Variants in ABHD3 observed in about 807,000 individuals in gnomAD.
ABHD3 encodes phospholipase ABHD3.
ABHD3 carries 46 observed loss-of-function variants against 48.8 expected under a neutral mutation model. That is an observed-to-expected ratio of 0.94 (90% CI 0.74 to 1.20). ABHD3 has a LOEUF of 1.20. Among genes scored for constraint, ABHD3 ranks in the 50% most tolerant of loss-of-function variants. The pLI, the probability that ABHD3 is intolerant of heterozygous loss-of-function variation, is 0.00. For synonymous variants in ABHD3, 192 were observed against 183.7 expected (o/e 1.04, Z -0.36); for missense variants, 490 against 497.8 (o/e 0.98, Z 0.15).
intron 4 of ABHD3, among the ~76,000 whole-genome samples, chr18:21,666,922 A>G (rs1423418443): frequency 6.6e-6 from 1 of 152,174 alleles, no homozygotes; most frequent in African/African-American, 2.4e-5. Flanking sequence ...GAAATTTAAT[A>G]ACAAGGAGAG....
chr18:21,697,201 G>C (rs546186946), intron 3 of ABHD3, among the ~76,000 whole-genome samples: 1 of 147,552 alleles, frequency 6.8e-6, no homozygotes, highest in African/African-American at 2.5e-5. Context: ...TCAGCCTCCT[G>C]AGTAGCTGGG....
At chr18:21,659,135 G>A (rs768131851) in intron 6 of ABHD3, 35 bp downstream of exon 6, 5 of 1,590,926 alleles carry the variant, frequency 3.1e-6, no homozygotes, top group Admixed American at 3.6e-5. Context: ...CACCGGGCCC[G>A]GCCCTGGAGA....
chr18:21,683,820 A>G (rs2040063661), intron 4 of ABHD3, 100 bp downstream of exon 4: 1 of 1,220,450 alleles, frequency 8.2e-7, no homozygotes, highest in Non-Finnish European at 1.1e-6. Flanking sequence ...TATTGCTTAC[A>G]TAAACAGAGT....
intron 4 of ABHD3, among the ~76,000 whole-genome samples, chr18:21,665,543 G>A (rs539853741): frequency 2.6e-5 from 4 of 152,164 alleles, no homozygotes; most frequent in South Asian, 2.1e-4. Context: ...GCAGCCAGGC[G>A]CAGTGGCTCA....
At chr18:21,660,498 A>ACG (rs1431124043) in intron 5 of ABHD3, among the ~76,000 whole-genome samples, 1 of 152,206 alleles carries the variant, frequency 6.6e-6, no homozygotes, top group Non-Finnish European at 1.5e-5. Context: ...TTTTGGTAAG[A>ACG]GAGACCATAA....
Position 21,690,272 on chromosome 18 carries a change from C to A in ABHD3, c.510-6307G>T, listed in dbSNP as rs1004459594. 3.9e-5 allele frequency among the ~76,000 whole-genome samples: 6 copies of A among 151,950 alleles called. No individual in the cohort carries two copies. The East Asian group carries it at 1.2e-3, about 29-fold the overall frequency. On this transcript the variant is annotated intron_variant, in intron 3 of 8. Transcript: ENST00000289119. ...GGAAAAAGGTCCAAAAAAAGTAGAA[C>A]CTCAGTGATTTGTGAAACAATATAA...
At chr18:21,679,952 G>A (rs903256644) in intron 4 of ABHD3, among the ~76,000 whole-genome samples, 16 of 152,178 alleles carry the variant, frequency 1.1e-4, no homozygotes, top group Admixed American at 5.2e-4. Flanking sequence ...GGGATTACAG[G>A]CATGAGCCAC....
intron 4 of ABHD3, among the ~76,000 whole-genome samples, chr18:21,681,614 C>G (rs1448109524): frequency 6.6e-6 from 1 of 152,160 alleles, no homozygotes; most frequent in East Asian, 1.9e-4. Flanking sequence ...AAATTATGCC[C>G]TTGCTTCAAA....
chr18:21,685,202 C>A (rs1447568623), intron 3 of ABHD3, among the ~76,000 whole-genome samples: 1 of 152,172 alleles, frequency 6.6e-6, no homozygotes, highest in African/African-American at 2.4e-5. Context: ...ATTACCTATT[C>A]AACCAACCAA....
At chr18:21,657,207 C>CT in intron 6 of ABHD3, 55 bp from the exon 7 acceptor site, 1 of 1,505,800 alleles carries the variant, frequency 6.6e-7, no homozygotes, top group Non-Finnish European at 8.9e-7. Context: ...CTCCATCATA[C>CT]TAAAAGGACT....
chr18:21,659,344 C>T lies in ABHD3; in HGVS notation c.669-1G>A, dbSNP rs753450705. 6.2e-7 allele frequency: 1 copy of T among 1,604,974 alleles called. No homozygotes were observed. The highest frequency in any genetic ancestry group is 1.7e-5 in the Admixed American group (1 of 57,580). ...GCCCAAGTAATTTAGAAGCAGCATT[C>T]TAAAATGGGGAGAAACAGGAAACTC... On this transcript the variant is annotated splice_acceptor_variant, in intron 5 of 8. Transcript: ENST00000289119. LOFTEE classifies it high-confidence loss of function.
intron 3 of ABHD3, among the ~76,000 whole-genome samples, chr18:21,699,103 AG>A (rs2040450716): frequency 6.6e-6 from 1 of 150,946 alleles, no homozygotes; most frequent in South Asian, 2.1e-4. Context: ...CCTGGTTAAC[AG>A]GGTTTCACCA....
chr18:21,656,604 G>C (rs1008923263), intron 8 of ABHD3, among the ~76,000 whole-genome samples: 1 of 152,066 alleles, frequency 6.6e-6, no homozygotes, highest in Non-Finnish European at 1.5e-5. Context: ...CAGTGTATTT[G>C]GTAAGAAGGA....
intron 3 of ABHD3, among the ~76,000 whole-genome samples, chr18:21,696,295 C>T (rs1324060727): frequency 1.3e-5 from 2 of 151,982 alleles, no homozygotes; most frequent in Non-Finnish European, 2.9e-5. Flanking sequence ...AGGCACCTGC[C>T]AACACGCCCG....
chr18:21,671,762 G>C (rs543527043), intron 4 of ABHD3, among the ~76,000 whole-genome samples: 1 of 152,268 alleles, frequency 6.6e-6, no homozygotes, highest in African/African-American at 2.4e-5. Context: ...TTATCCAACT[G>C]TGACTATGAT....
In ABHD3 at chr18:21,702,489, A is replaced by T; in HGVS notation, c.336T>A (p.Ile112=). ...AAATCTGTCCTCCATCTGCAGTTTT[A>T]ATAAGTTCACTGAAAGGAATAATTC... is the stretch of plus-strand genomic sequence containing the variant. ...KPPVQYRNEL[I]KTADGGQISL... The change falls in exon 3 of 9, where the codon ATT becomes ATA. Residue 112 remains isoleucine (I), a synonymous_variant. Transcript: ENST00000289119. 1 of 1,597,602 alleles carries T rather than the reference A, an allele frequency of 6.3e-7. No individual in the cohort carries two copies. Among genetic ancestry groups the T allele is most frequent in the Non-Finnish European group, 8.5e-7 (1 of 1,170,446 alleles).
intron 3 of ABHD3, among the ~76,000 whole-genome samples, chr18:21,690,214 A>G (rs2040216639): frequency 6.6e-6 from 1 of 152,086 alleles, no homozygotes; most frequent in Non-Finnish European, 1.5e-5. Flanking sequence ...AATTCACTGG[A>G]TTTGCAAATT....
intron 3 of ABHD3, among the ~76,000 whole-genome samples, chr18:21,685,988 G>A (rs751370704): frequency 1.6e-4 from 25 of 152,172 alleles, no homozygotes; most frequent in Admixed American, 5.9e-4. Context: ...GTGAGCCACC[G>A]TGCCCGGCCA....
chr18:21,658,224 GA>G (rs2039402001), intron 6 of ABHD3, among the ~76,000 whole-genome samples: 1 of 151,534 alleles, frequency 6.6e-6, no homozygotes, highest in Non-Finnish European at 1.5e-5. Flanking sequence ...GAAAGAAAAA[GA>G]AAAAAAGAAA....
Sources: allele counts gnomAD v4.1 joint callset (sites outside exome capture counted in the v4.1 genomes callset), GRCh38; gene constraint gnomAD v4.1.1; transcripts MANE v1.5; gene names NCBI Gene and HGNC (gene_info 2026-07-23, HGNC 2026-07-21).